Variants in C14orf39 observed in about 807,000 individuals in gnomAD.
C14orf39 encodes the protein protein SIX6OS1.
A neutral mutation model predicts 85.6 loss-of-function variants in C14orf39; 66 were observed. The ratio of observed to expected loss-of-function variants is 0.77; its 90% CI spans 0.63 to 0.95. The LOEUF is 0.95. C14orf39 is among the 40% of genes least tolerant of loss of function. The pLI is 0.00. For synonymous variants in C14orf39, 242 were observed against 214.0 expected, an observed-to-expected ratio of 1.13 and a Z score of -1.14; for missense variants, 735 against 663.9, an observed-to-expected ratio of 1.11 and a Z score of -1.18.
intron 16 of C14orf39, among the ~76,000 whole-genome samples, chr14:60,445,603 C>CACA (rs1416391545): frequency 1.3e-5 from 2 of 151,178 alleles, no homozygotes; most frequent in African/African-American, 2.4e-5. Flanking sequence ...TAGACTCCCA[C>CACA]ATAATAATGG....
upstream of C14orf39, among the ~76,000 whole-genome samples, chr14:60,489,602 C>T (rs754234038): frequency 1.7e-4 from 26 of 152,178 alleles, no homozygotes; most frequent in Non-Finnish European, 3.1e-4. Flanking sequence ...ACTCTCTCTC[C>T]TCTTACCTAA....
At chr14:60,463,844 C>A (rs983544345) in intron 11 of C14orf39, among the ~76,000 whole-genome samples, 5 of 152,054 alleles carry the variant, frequency 3.3e-5, no homozygotes, top group Admixed American at 6.6e-5. Flanking sequence ...GTATGTTGGG[C>A]ACAAAGTTTG....
At chr14:60,511,056 T>A in intron 1 of C14orf39, 1 of 1,609,382 alleles carries the variant, frequency 6.2e-7, no homozygotes, top group Non-Finnish European at 8.5e-7. Flanking sequence ...TTACGAGCTG[T>A]GACCCGTGTT....
At chr14:60,459,867 T>C (rs1458342442) in intron 13 of C14orf39, among the ~76,000 whole-genome samples, 2 of 151,832 alleles carry the variant, frequency 1.3e-5, no homozygotes, top group Non-Finnish European at 3.0e-5. Context: ...AACTACTCTA[T>C]TGAAAGTTTT....
At chr14:60,473,419 A>T (rs924686249) in intron 5 of C14orf39, among the ~76,000 whole-genome samples, 11 of 151,842 alleles carry the variant, frequency 7.2e-5, no homozygotes, top group African/African-American at 4.8e-5. Flanking sequence ...TTAGATCCCA[A>T]TTGTCAATTT....
chr14:60,459,205 G>C (rs1891411550), intron 13 of C14orf39, among the ~76,000 whole-genome samples: 1 of 151,422 alleles, frequency 6.6e-6, no homozygotes, highest in South Asian at 2.1e-4. Context: ...CCATATTATT[G>C]CACAAAGACA....
In C14orf39 at chr14:60,466,987, T is replaced by C. The variant is rs1450606399; in HGVS notation, c.825A>G (p.Leu275=). ...LTLNKTQSSQ[L]FLPYESQKLV... The stretch of plus-strand genomic sequence containing the variant: ...ATTTCTGAGATTCATAAGGAAGAAA[T>C]AATTGACTGCTTTGAGTTTTATTCA... The change falls in exon 10 of 18, where the codon TTA becomes TTG. Residue 275 remains leucine (L), a synonymous_variant. Transcript: ENST00000321731. The C allele has an allele frequency of 2.0e-6, 3 of 1,476,668 alleles. No homozygotes were observed. Among genetic ancestry groups the C allele is most frequent in the Non-Finnish European group, 2.7e-6 (3 of 1,110,486 alleles). 91.5% of individuals were successfully genotyped at this position (1,476,668 alleles called of 1,614,324 possible). A position where few individuals can be genotyped will look rare whatever the true frequency, so the allele number is the denominator to read the frequency against.
intron 1 of C14orf39, chr14:60,509,948 C>T: frequency 6.2e-7 from 1 of 1,606,836 alleles, no homozygotes; most frequent in Non-Finnish European, 8.5e-7. Flanking sequence ...ACAAAGGGAC[C>T]GAGCGGCTGC....
chr14:60,437,250 A>G (rs1362464230), intron 17 of C14orf39, among the ~76,000 whole-genome samples: 1 of 151,994 alleles, frequency 6.6e-6, no homozygotes, highest in Non-Finnish European at 1.5e-5. Context: ...TCAAACTTAA[A>G]CCCTGTTTTC....
intron 11 of C14orf39, among the ~76,000 whole-genome samples, chr14:60,464,920 T>C (rs914873333): frequency 6.6e-6 from 1 of 152,134 alleles, no homozygotes; most frequent in South Asian, 2.1e-4. Context: ...TTTACCCCCA[T>C]TACTGTCTTT....
At chr14:60,510,964 C>T in intron 1 of C14orf39, 1 of 1,038,676 alleles carries the variant, frequency 9.6e-7, no homozygotes, top group Non-Finnish European at 1.4e-6. Flanking sequence ...CTCGCCTTAA[C>T]TGCTGGGGTC....
intron 13 of C14orf39, among the ~76,000 whole-genome samples, chr14:60,460,029 C>T (rs2140085515): frequency 6.6e-6 from 1 of 151,766 alleles, no homozygotes; most frequent in East Asian, 1.9e-4. Flanking sequence ...ATCTTGAAGT[C>T]ATGAAGATGT....
intron 17 of C14orf39, among the ~76,000 whole-genome samples, chr14:60,438,737 G>T (rs1890372574): frequency 1.3e-5 from 2 of 152,032 alleles, no homozygotes; most frequent in South Asian, 4.1e-4. Flanking sequence ...TAAATAAAAG[G>T]TTTTATGGAA....
At chr14:60,509,404 C>T (rs1893255080) in intron 1 of C14orf39, 1 of 1,599,380 alleles carries the variant, frequency 6.3e-7, no homozygotes, top group African/African-American at 1.3e-5. Context: ...CCTCGATGTT[C>T]CAGCTGCCCA....
intron 5 of C14orf39, among the ~76,000 whole-genome samples, chr14:60,477,842 T>C (rs1892456304): frequency 6.6e-6 from 1 of 152,032 alleles, no homozygotes; most frequent in Non-Finnish European, 1.5e-5. Context: ...TAGGTAGATG[T>C]TCCACTGCAC....
At chr14:60,496,670 G>A (rs1893074058) in intron 2 of C14orf39, 1 of 153,052 alleles carries the variant, frequency 6.5e-6, no homozygotes, top group African/African-American at 2.4e-5. Flanking sequence ...GCATCTCTCA[G>A]TTGTTAGCCT....
intron 1 of C14orf39, among the ~76,000 whole-genome samples, chr14:60,501,960 C>T (rs1408220506): frequency 6.6e-6 from 1 of 152,202 alleles, no homozygotes; most frequent in African/African-American, 2.4e-5. Flanking sequence ...TTAATCCCTA[C>T]ATCTATCCCA....
intron 16 of C14orf39, among the ~76,000 whole-genome samples, chr14:60,452,025 CA>C (rs1208227186): frequency 1.5e-3 from 197 of 129,808 alleles, no homozygotes; most frequent in East Asian, 4.4e-3. Context: ...TACTAAAGTA[CA>C]AAAAAAAAAA....
chr14:60,495,955 AT>A (rs1183341060), intron 2 of C14orf39: 1 of 461,412 alleles, frequency 2.2e-6, no homozygotes, highest in African/African-American at 2.0e-5. Context: ...AAGACATGAC[AT>A]TTGGGAGCAC....
Sources: allele counts gnomAD v4.1 joint callset (sites outside exome capture counted in the v4.1 genomes callset), GRCh38; gene constraint gnomAD v4.1.1; transcripts MANE v1.5; gene names NCBI Gene and HGNC (gene_info 2026-07-23, HGNC 2026-07-21).